Variants in GLG1 observed in about 807,000 individuals in gnomAD.
GLG1 encodes Golgi apparatus protein 1.
Under a neutral mutation model 160.5 loss-of-function variants are expected in GLG1, and 38 were observed. The observed-to-expected ratio is 0.24, with a 90% CI of 0.18 to 0.31. The LOEUF is 0.31. GLG1 is among the 10% of genes least tolerant of loss of function. The pLI is 1.00. For synonymous variants in GLG1, 644 were observed against 543.4 expected (o/e 1.19, Z -2.57); for missense variants, 1,373 against 1,505.2 (o/e 0.91, Z 1.45).
chr16:74,469,001 T>A lies in GLG1; in HGVS notation c.2381A>T (p.Glu794Val). The A allele has an allele frequency of 6.2e-7, 1 of 1,614,034 alleles. No individual in the cohort carries two copies. The highest frequency in any genetic ancestry group is 8.5e-7 in the Non-Finnish European group (1 of 1,179,850). ...VRNDTLQEAK[E>V]HRVSLKCRRQ... ...GCGGCACTTCAGGGACACCCTGTGC[T>A]CCTTGGCTTCCTGCAGAGTGTCATT... The change falls in exon 17 of 26, where the codon GAG (glutamate) becomes GTG (valine). Residue 794 changes from glutamate (E) to valine (V), a missense_variant. Glu to Val is a moderately radical substitution (Grantham distance 121). Around this residue, in one of 4 missense-constraint regions of GLG1, gnomAD observed 491 missense variants for 632.1 expected, o/e 0.78. Coordinates refer to ENST00000422840, the MANE Select transcript of GLG1 (RefSeq NM_001145667.2).
Position 74,493,006 on chromosome 16 carries a change from T to C in GLG1, c.1185A>G (p.Glu395=). 6.2e-7 allele frequency: 1 copy of C among 1,614,002 alleles called. No individual in the cohort carries two copies. Among genetic ancestry groups the C allele is most frequent in the Non-Finnish European group, 8.5e-7 (1 of 1,179,916 alleles). ...CNVENLPRSR[E]ARLSYLLMCL... is the part of the protein sequence containing the mutation. ...ACATTAACAAGTAGGAGAGCCTGGC[T>C]TCACGCGATCGCGGAAGGTTTTCCA... The change falls in exon 7 of 26, where the codon GAA becomes GAG. Residue 395 remains glutamate, a synonymous_variant. Transcript: ENST00000422840.
At chr16:74,574,765 T>C (rs1198413992) in intron 1 of GLG1, among the ~76,000 whole-genome samples, 1 of 150,266 alleles carries the variant, frequency 6.7e-6, no homozygotes, top group Admixed American at 6.7e-5. Flanking sequence ...ACACCTGTAG[T>C]CCCAGTTGCT....
At chr16:74,593,919 AT>A (rs892624063) in intron 1 of GLG1, among the ~76,000 whole-genome samples, 28 of 150,996 alleles carry the variant, frequency 1.9e-4, no homozygotes, top group African/African-American at 6.6e-4. Flanking sequence ...TCTTGTTGTC[AT>A]TTTTTTGAGA....
At chr16:74,507,271 T>C (rs1389301632) in intron 3 of GLG1, among the ~76,000 whole-genome samples, 2 of 152,136 alleles carry the variant, frequency 1.3e-5, no homozygotes, top group Non-Finnish European at 2.9e-5. Context: ...ACACACATTA[T>C]ATGGAAACCA....
intron 1 of GLG1, among the ~76,000 whole-genome samples, chr16:74,565,245 C>G (rs2018622096): frequency 6.6e-6 from 1 of 152,128 alleles, no homozygotes; most frequent in Admixed American, 6.6e-5. Context: ...ATGAGAATCA[C>G]TTGAACCCAG....
At chr16:74,565,121 T>A (rs1463845035) in intron 1 of GLG1, among the ~76,000 whole-genome samples, 3 of 152,154 alleles carry the variant, frequency 2.0e-5, no homozygotes, top group African/African-American at 7.2e-5. Context: ...AGCAAATCAC[T>A]GGATGTCAGG....
chr16:74,468,175 T>C (rs909632071), intron 17 of GLG1: 2 of 187,656 alleles, frequency 1.1e-5, no homozygotes, highest in East Asian at 2.6e-4. Context: ...ATTACTTTAA[T>C]GAAAGAGCTA....
intron 1 of GLG1, among the ~76,000 whole-genome samples, chr16:74,565,522 A>G (rs2018630244): frequency 6.6e-6 from 1 of 152,218 alleles, no homozygotes; most frequent in Admixed American, 6.5e-5. Flanking sequence ...GTCTCCGCCA[A>G]TCACAGCAGC....
intron 10 of GLG1, among the ~76,000 whole-genome samples, chr16:74,482,675 T>C (rs1339591713): frequency 1.3e-5 from 2 of 152,206 alleles, no homozygotes; most frequent in African/African-American, 4.8e-5. Context: ...AAAATACAAC[T>C]GCACTATTAT....
At chr16:74,528,094 C>T (rs947856637) in intron 2 of GLG1, among the ~76,000 whole-genome samples, 6 of 151,908 alleles carry the variant, frequency 3.9e-5, no homozygotes, top group African/African-American at 1.5e-4. Flanking sequence ...ACCGTGTTAG[C>T]CAGGATGGTC....
chr16:74,586,398 CA>C (rs1392931137), intron 1 of GLG1, among the ~76,000 whole-genome samples: 1 of 152,126 alleles, frequency 6.6e-6, no homozygotes, highest in African/African-American at 2.4e-5. Context: ...TAGCTCAACT[CA>C]ATTACAAGAC....
intron 22 of GLG1, among the ~76,000 whole-genome samples, chr16:74,460,832 A>T (rs2014761833): frequency 6.6e-6 from 1 of 152,250 alleles, no homozygotes; most frequent in Non-Finnish European, 1.5e-5. Flanking sequence ...ATTCCACAGG[A>T]GCAAGGTTAT....
chr16:74,562,429 C>G (rs1319912699), intron 1 of GLG1, among the ~76,000 whole-genome samples: 2 of 152,152 alleles, frequency 1.3e-5, no homozygotes, highest in Non-Finnish European at 2.9e-5. Context: ...TGCATTATAC[C>G]AAAGTGTATT....
At chr16:74,577,042 C>T (rs1215574161) in intron 1 of GLG1, among the ~76,000 whole-genome samples, 5 of 151,900 alleles carry the variant, frequency 3.3e-5, no homozygotes, top group African/African-American at 1.2e-4. Context: ...TTGCCTCAGC[C>T]TTCCAGGCAA....
intron 1 of GLG1, among the ~76,000 whole-genome samples, chr16:74,604,846 C>A (rs893646243): frequency 1.6e-4 from 25 of 152,128 alleles, no homozygotes; most frequent in African/African-American, 5.8e-4. Flanking sequence ...GTCAGGAGAT[C>A]GAGACCATCC....
chr16:74,557,434 A>T (rs913798052), intron 1 of GLG1, among the ~76,000 whole-genome samples: 1 of 152,104 alleles, frequency 6.6e-6, no homozygotes, highest in Non-Finnish European at 1.5e-5. Context: ...AGGTCTGGGG[A>T]GGGGCCAGAG....
intron 2 of GLG1, among the ~76,000 whole-genome samples, chr16:74,514,283 C>G (rs765491591): frequency 1.3e-5 from 2 of 152,156 alleles, no homozygotes; most frequent in Non-Finnish European, 1.5e-5. Flanking sequence ...TCAGGAAATA[C>G]AGAGAACACC....
Position 74,462,482 on chromosome 16 carries a change from G to A in GLG1, c.2934+6C>T, listed in dbSNP as rs775353622. 3 of 1,612,522 alleles carry A rather than the reference G, an allele frequency of 1.9e-6. No homozygotes were observed. The highest frequency in any genetic ancestry group is 1.1e-5 in the South Asian group (1 of 91,044). ...ACACCTTTGTGGAGAGCCCAGGCCA[G>A]TTTACCTGGTCAGCATATCTCAGCT... On this transcript the variant is annotated splice_donor_region_variant and intron_variant, in intron 21 of 25. Transcript: ENST00000422840.
intron 2 of GLG1, among the ~76,000 whole-genome samples, chr16:74,527,374 T>C (rs1399367915): frequency 6.6e-6 from 1 of 150,584 alleles, no homozygotes; most frequent in Non-Finnish European, 1.5e-5. Context: ...CTTGGCCTCC[T>C]GAGTAGCTGG....
Sources: gnomAD v4.1 joint callset for allele counts (sites outside exome capture counted in the v4.1 genomes callset) on GRCh38, gnomAD v4.1.1 for gene constraint, gnomAD v4.1.1 regional missense constraint, MANE v1.5 for transcripts, NCBI Gene and HGNC (gene_info 2026-07-23, HGNC 2026-07-21) for gene names.